The following KBTBD11 variants were observed in gnomAD, a reference collection of about 807,000 sequenced individuals.
The protein encoded by KBTBD11 is kelch repeat and BTB domain-containing protein 11.
For synonymous variants in KBTBD11, 747 were observed against 499.0 expected, an observed-to-expected ratio of 1.50 and a Z score of -6.63; for missense variants, 1,390 against 1,001.8, an observed-to-expected ratio of 1.39 and a Z score of -5.23.
intron 1 of KBTBD11, among the ~76,000 whole-genome samples, chr8:1,999,639 T>C (rs1429295294): frequency 1.3e-5 from 2 of 152,252 alleles, no homozygotes; most frequent in East Asian, 3.8e-4. Context: ...GCATTTAGGC[T>C]GTTTGGATAA....
intron 1 of KBTBD11, among the ~76,000 whole-genome samples, chr8:1,992,376 G>C (rs1397117579): frequency 6.6e-6 from 1 of 152,042 alleles, no homozygotes; most frequent in East Asian, 1.9e-4. Context: ...GATACACTCA[G>C]AGAGGAGGAA....
chr8:2,002,172 T>C lies in KBTBD11; in HGVS notation c.980T>C (p.Val327Ala). The C allele has an allele frequency of 1.6e-6, 2 of 1,233,048 alleles. No individual in the cohort carries two copies. The highest frequency in any genetic ancestry group is 3.6e-5 in the East Asian group (1 of 27,732). 76.4% of individuals were successfully genotyped at this position (1,233,048 alleles called of 1,614,324 possible). Residue 327 changes from valine (V) to alanine (A), a missense_variant, in exon 2 of 2, where the codon GTC (valine) becomes GCC (alanine). Val to Ala is a moderately conservative substitution (Grantham distance 64, BLOSUM62 0). Coordinates refer to ENST00000320248, the MANE Select transcript of KBTBD11 (RefSeq NM_014867.3). This position sits in a 1 kb window ranked among gnomAD's most constrained non-coding sequence, Gnocchi z 4.1. ...GCGGACGCGCGCGGGGACGCGGCCG[T>C]CTACTGCTTCCACGCGGCGGCCGGA... is the stretch of plus-strand genomic sequence containing the variant. The part of the protein sequence containing the change: ...GDADARGDAA[V>A]YCFHAAAGEW...
intron 1 of KBTBD11, among the ~76,000 whole-genome samples, chr8:1,994,840 C>T (rs747724144): frequency 5.3e-5 from 8 of 152,124 alleles, no homozygotes; most frequent in Non-Finnish European, 1.2e-4. Flanking sequence ...GGGCGGATCA[C>T]TTGAGGTCAG....
At chr8:1,974,027 G>C (rs1187204672) in intron 1 of KBTBD11, 92 bp downstream of exon 1, 1 of 959,952 alleles carries the variant, frequency 1.0e-6, no homozygotes, top group Non-Finnish European at 1.2e-6. Context: ...GCGGGTGGGA[G>C]GTGGTCGGCG....
In KBTBD11 at chr8:2,002,207, G is replaced by C. The variant is rs1563380715; in HGVS notation, c.1015G>C (p.Glu339Gln). 2 of 1,261,804 alleles carry C rather than the reference G, an allele frequency of 1.6e-6. No homozygotes were observed. The highest frequency in any genetic ancestry group is 9.9e-7 in the Non-Finnish European group (1 of 1,007,290). 78.2% of individuals were successfully genotyped at this position (1,261,804 alleles called of 1,614,324 possible). ...CFHAAAGEWR[E>Q]LTRLPEGAPA... is the part of the protein sequence containing the mutation. ...CCACGCGGCGGCCGGAGAGTGGCGC[G>C]AGCTGACGCGGCTGCCCGAGGGCGC... The change falls in exon 2 of 2, where the codon GAG (glutamate) becomes CAG (glutamine). Residue 339 changes from glutamate to glutamine, a missense_variant. Physicochemically the swap from Glu to Gln is conservative, Grantham distance 29. Coordinates refer to ENST00000320248, the MANE Select transcript of KBTBD11 (RefSeq NM_014867.3). This position sits in a 1 kb window ranked among gnomAD's most constrained non-coding sequence, Gnocchi z 4.1.
At position 2,002,039 on chromosome 8, in the gene KBTBD11, C is replaced by T; in HGVS notation, c.847C>T (p.Leu283=). The T allele has an allele frequency of 7.8e-7, 1 of 1,290,200 alleles. No individual in the cohort carries two copies. Among genetic ancestry groups the T allele is most frequent in the African/African-American group, 1.6e-5 (1 of 63,906 alleles). 79.9% of individuals were successfully genotyped at this position (1,290,200 alleles called of 1,614,324 possible). A position where few individuals can be genotyped will look rare whatever the true frequency, so the allele number is the denominator to read the frequency against. The change falls in exon 2 of 2, where the codon CTG becomes TTG. Residue 283 remains leucine (L), a synonymous_variant. Coordinates refer to ENST00000320248, the MANE Select transcript of KBTBD11 (RefSeq NM_014867.3). The surrounding 1 kb of genome is among the most constrained non-coding windows in gnomAD (Gnocchi z 4.1). ...CCGCCTGTCGGGCGCAGAGCGGGAC[C>T]TGCTGCTGCGCCGCCGCCTGCGCGC... ...FGRLSGAERD[L]LLRRRLRAGR... is the part of the protein sequence containing the mutation.
chr8:1,981,965 G>A (rs149417938), intron 1 of KBTBD11, among the ~76,000 whole-genome samples: 2,965 of 152,284 alleles, frequency 0.019, 83 homozygotes, highest in African/African-American at 0.056. Flanking sequence ...GTGTGAGCCA[G>A]TTCCCCTAGC....
chr8:1,985,341 C>T (rs754245981), intron 1 of KBTBD11, among the ~76,000 whole-genome samples: 15 of 152,266 alleles, frequency 9.9e-5, no homozygotes, highest in Admixed American at 2.6e-4. Flanking sequence ...GCCTGCCTGA[C>T]CTGGCCGACT....
intron 1 of KBTBD11, among the ~76,000 whole-genome samples, chr8:1,983,147 C>A (rs537587483): frequency 6.6e-6 from 1 of 152,186 alleles, no homozygotes; most frequent in Non-Finnish European, 1.5e-5. Context: ...GTTGGATGGA[C>A]TCACTTCTGT....
intron 1 of KBTBD11, among the ~76,000 whole-genome samples, chr8:1,990,575 C>A (rs1221357013): frequency 4.7e-5 from 1 of 21,104 alleles, no homozygotes; most frequent in Non-Finnish European, 8.1e-5. Flanking sequence ...GTAGATGCTG[C>A]GGGGCCTTGG....
At position 2,002,935 on chromosome 8, in the gene KBTBD11, C is replaced by T. The variant is rs758678426; in HGVS notation, c.1743C>T (p.Ala581=). 6.1e-6 allele frequency: 8 copies of T among 1,321,910 alleles called. No homozygotes were observed. In the South Asian group the frequency reaches 1.2e-4, roughly 20 times the overall value. 81.9% of individuals were successfully genotyped at this position (1,321,910 alleles called of 1,614,324 possible). The part of the protein sequence containing the change: ...WRFQPAREGE[A]GGDAGQGGGF... ...TCCAGCCTGCCCGGGAAGGCGAGGCCGGCGGCGACGCAGGCCAGGGCGGCG... is the reference window on the plus strand; with the variant it reads ...TCCAGCCTGCCCGGGAAGGCGAGGCTGGCGGCGACGCAGGCCAGGGCGGCG... The change falls in exon 2 of 2, where the codon GCC becomes GCT. Residue 581 remains alanine, a synonymous_variant. Transcript: ENST00000320248. The surrounding 1 kb of genome is among the most constrained non-coding windows in gnomAD (Gnocchi z 4.1).
chr8:1,983,539 C>G (rs1270004954), intron 1 of KBTBD11, among the ~76,000 whole-genome samples: 6 of 152,312 alleles, frequency 3.9e-5, no homozygotes, highest in South Asian at 2.1e-4. Flanking sequence ...CATGATGCAT[C>G]TTTTCTGCTT....
At chr8:1,990,211 CAGGT>C (rs1816860732) in intron 1 of KBTBD11, among the ~76,000 whole-genome samples, 1 of 151,030 alleles carries the variant, frequency 6.6e-6, no homozygotes, top group African/African-American at 2.4e-5. Flanking sequence ...GCGCCCTGTC[CAGGT>C]GGGTGCTGGG....
At chr8:1,974,981 C>T (rs992880149) in intron 1 of KBTBD11, 1 of 152,450 alleles carries the variant, frequency 6.6e-6, no homozygotes, top group Non-Finnish European at 1.5e-5. Flanking sequence ...GCCTCCATTT[C>T]CCACTAAGGA....
intron 1 of KBTBD11, among the ~76,000 whole-genome samples, chr8:1,997,972 G>A (rs144350750): frequency 7.0e-4 from 107 of 152,304 alleles, no homozygotes; most frequent in African/African-American, 2.4e-3. Context: ...CATAAAGACC[G>A]CTTGAATCAT....
chr8:1,994,473 G>C (rs1817058028), intron 1 of KBTBD11, among the ~76,000 whole-genome samples: 1 of 152,256 alleles, frequency 6.6e-6, no homozygotes, highest in Admixed American at 6.5e-5. Context: ...AGGTGTCATG[G>C]CACGGTGGCT....
Position 2,002,944 on chromosome 8 carries a change from C to G in KBTBD11, c.1752C>G (p.Asp584Glu). ...CCCGGGAAGGCGAGGCCGGCGGCGA[C>G]GCAGGCCAGGGCGGCGGCTTCGAGG... The part of the protein sequence containing the change: ...QPAREGEAGG[D>E]AGQGGGFEAL... Residue 584 changes from aspartate to glutamate, a missense_variant, in exon 2 of 2, where the codon GAC (aspartate) becomes GAG (glutamate). By Grantham distance (45) the Asp-to-Glu change is conservative. Coordinates refer to ENST00000320248, the MANE Select transcript of KBTBD11 (RefSeq NM_014867.3). The surrounding 1 kb of genome is among the most constrained non-coding windows in gnomAD (Gnocchi z 4.1). 3 of 1,321,526 alleles carry G rather than the reference C, an allele frequency of 2.3e-6. No individual in the cohort carries two copies. Among genetic ancestry groups the G allele is most frequent in the Non-Finnish European group, 2.9e-6 (3 of 1,038,072 alleles). 81.9% of individuals were successfully genotyped at this position (1,321,526 alleles called of 1,614,324 possible). A position where few individuals can be genotyped will look rare whatever the true frequency, so the allele number is the denominator to read the frequency against.
chr8:1,985,720 G>C (rs1816688862), intron 1 of KBTBD11, among the ~76,000 whole-genome samples: 1 of 152,234 alleles, frequency 6.6e-6, no homozygotes, highest in Non-Finnish European at 1.5e-5. Flanking sequence ...AGCGCTTTGG[G>C]AGTCCCAGGC....
chr8:1,998,702 G>A (rs1246599607), intron 1 of KBTBD11, among the ~76,000 whole-genome samples: 1 of 152,210 alleles, frequency 6.6e-6, no homozygotes, highest in Non-Finnish European at 1.5e-5. Flanking sequence ...GAGACAGCCA[G>A]TTCTCAGATT....
Sources: allele counts gnomAD v4.1 joint callset (sites outside exome capture counted in the v4.1 genomes callset), GRCh38; gene constraint gnomAD v4.1.1; non-coding constraint Gnocchi (gnomAD v3.1); transcripts MANE v1.5; gene names NCBI Gene and HGNC (gene_info 2026-07-23, HGNC 2026-07-21).